MALRD1: variants seen among roughly 807,000 people sequenced by gnomAD.
MALRD1 encodes the protein MAM and LDL-receptor class A domain-containing protein 1.
Under a neutral mutation model 242.1 loss-of-function variants are expected in MALRD1, and 247 were observed. That is an observed-to-expected ratio of 1.02 (90% CI 0.92 to 1.13). The LOEUF (loss-of-function observed/expected upper bound fraction) is 1.13. MALRD1 is among the 50% of genes most tolerant of loss of function. The probability of loss-of-function intolerance (pLI) is 0.00; values close to 1 mark genes in which losing one functional copy is unlikely to be tolerated. For missense variants in MALRD1, 2,989 were observed against 2,533.1 expected, an observed-to-expected ratio of 1.18 and a Z score of -3.86; for synonymous variants, 995 against 866.6, an observed-to-expected ratio of 1.15 and a Z score of -2.60.
chr10:19,289,968 G>GGA (rs1841327295), intron 21 of MALRD1, among the ~76,000 whole-genome samples: 1 of 151,618 alleles, frequency 6.6e-6, no homozygotes, highest in African/African-American at 2.4e-5. Flanking sequence ...AAGTATAAGA[G>GGA]AAAAAAACCC....
intron 26 of MALRD1, among the ~76,000 whole-genome samples, chr10:19,385,471 G>A (rs1270588035): frequency 1.3e-5 from 2 of 151,898 alleles, no homozygotes; most frequent in African/African-American, 2.4e-5. Context: ...AGTCTTAGTA[G>A]GCTGTAGGAA....
chr10:19,500,191 T>A (rs1837907853), intron 31 of MALRD1, among the ~76,000 whole-genome samples: 1 of 152,218 alleles, frequency 6.6e-6, no homozygotes, highest in Admixed American at 6.5e-5. Context: ...CTTCTTTTTA[T>A]GTCTGGTAGA....
chr10:19,131,555 T>G (rs534673754), intron 8 of MALRD1, among the ~76,000 whole-genome samples: 1 of 152,258 alleles, frequency 6.6e-6, no homozygotes, highest in African/African-American at 2.4e-5. Context: ...ACCAATAAAT[T>G]TACATGTAAT....
Position 19,171,457 on chromosome 10 carries a change from T to TATATATACACACAC in MALRD1, c.1831-3750_1831-3749insTATATACACACACA, listed in dbSNP as rs1166665866. ...ATATATATATATATATATATATATA[T>TATATATACACACAC]ACACACATGTATATACACACACACA... On this transcript the variant is annotated intron_variant, in intron 13 of 39. Coordinates refer to ENST00000454679, the MANE Select transcript of MALRD1 (RefSeq NM_001142308.3). Among the ~76,000 whole-genome samples, 50 of 74,546 alleles carry TATATATACACACAC rather than the reference T, an allele frequency of 6.7e-4. 1 individual carries two copies. Among genetic ancestry groups the TATATATACACACAC allele is most frequent in the African/African-American group, 2.0e-3 (47 of 23,924 alleles). 48.9% of individuals were successfully genotyped at this position (74,546 alleles called of 152,430 possible). A position where few individuals can be genotyped will look rare whatever the true frequency, so the allele number is the denominator to read the frequency against.
intron 32 of MALRD1, among the ~76,000 whole-genome samples, chr10:19,542,162 A>T (rs572081954): frequency 1.3e-5 from 2 of 152,318 alleles, no homozygotes; most frequent in Admixed American, 6.5e-5. Context: ...CTTACACCTG[A>T]CTACAAACAG....
chr10:19,512,725 C>T (rs532682808), intron 31 of MALRD1, among the ~76,000 whole-genome samples: 16 of 152,216 alleles, frequency 1.1e-4, no homozygotes, highest in Admixed American at 3.9e-4. Context: ...AGAAATGCAG[C>T]GCCTAAAGAC....
At chr10:19,174,165 T>C (rs1182953496) in intron 13 of MALRD1, among the ~76,000 whole-genome samples, 6 of 152,126 alleles carry the variant, frequency 3.9e-5, no homozygotes, top group Non-Finnish European at 8.8e-5. Context: ...AAGATCTTTA[T>C]GGGCCTCTCT....
intron 5 of MALRD1, among the ~76,000 whole-genome samples, chr10:19,122,102 G>A (rs1242912015): frequency 6.6e-6 from 1 of 152,182 alleles, no homozygotes; most frequent in Non-Finnish European, 1.5e-5. Context: ...TGCCATGAGA[G>A]TATGGAGAAG....
At chr10:19,148,876 A>G (rs1833827125) in intron 11 of MALRD1, among the ~76,000 whole-genome samples, 1 of 150,110 alleles carries the variant, frequency 6.7e-6, no homozygotes, top group African/African-American at 2.5e-5. Context: ...GAGAATCAGT[A>G]GTGGTTTTAA....
chr10:19,480,840 C>A (rs188530894), intron 29 of MALRD1, among the ~76,000 whole-genome samples: 16 of 151,572 alleles, frequency 1.1e-4, no homozygotes, highest in African/African-American at 3.9e-4. Flanking sequence ...TTTTTTTTGG[C>A]GGTTGGGGGG....
intron 31 of MALRD1, among the ~76,000 whole-genome samples, chr10:19,502,962 A>G (rs1017179037): frequency 6.6e-6 from 1 of 152,152 alleles, no homozygotes; most frequent in Non-Finnish European, 1.5e-5. Context: ...TTGAACTTTT[A>G]GAGCTTGTGT....
At chr10:19,170,024 A>G (rs1326034396) in intron 13 of MALRD1, among the ~76,000 whole-genome samples, 1 of 152,236 alleles carries the variant, frequency 6.6e-6, no homozygotes, top group African/African-American at 2.4e-5. Flanking sequence ...TGTAGACAAT[A>G]TAACAGAATA....
chr10:19,481,028 A>G (rs997605614), intron 29 of MALRD1, among the ~76,000 whole-genome samples: 11 of 152,310 alleles, frequency 7.2e-5, no homozygotes, highest in Non-Finnish European at 1.6e-4. Flanking sequence ...AGCTTGGTAT[A>G]TATATATACT....
At chr10:19,463,501 A>T (rs1211829300) in intron 29 of MALRD1, among the ~76,000 whole-genome samples, 2 of 151,938 alleles carry the variant, frequency 1.3e-5, no homozygotes, top group Admixed American at 1.3e-4. Flanking sequence ...AGTTCCATCC[A>T]GGTTGCTGCA....
intron 36 of MALRD1, among the ~76,000 whole-genome samples, chr10:19,675,434 A>G (rs1842098996): frequency 6.6e-6 from 1 of 152,178 alleles, no homozygotes; most frequent in South Asian, 2.1e-4. Flanking sequence ...AACCTTTCAC[A>G]GGGATGTTCT....
At chr10:19,364,990 C>G (rs1845046985) in intron 26 of MALRD1, among the ~76,000 whole-genome samples, 1 of 152,050 alleles carries the variant, frequency 6.6e-6, no homozygotes, top group African/African-American at 2.4e-5. Flanking sequence ...CAACCTGCCA[C>G]CACATCATCT....
chr10:19,655,560 A>G (rs1222747153), intron 36 of MALRD1, among the ~76,000 whole-genome samples: 1 of 123,082 alleles, frequency 8.1e-6, no homozygotes, highest in African/African-American at 2.9e-5. Flanking sequence ...ATATATATAT[A>G]TATATATATA....
At position 19,387,677 on chromosome 10, in the gene MALRD1, C is replaced by T; in HGVS notation, c.4591C>T (p.Gln1531Ter). 1 of 1,550,274 alleles carries T rather than the reference C, an allele frequency of 6.5e-7. No homozygotes were observed. The highest frequency in any genetic ancestry group is 8.7e-7 in the Non-Finnish European group (1 of 1,146,848). The stretch of plus-strand genomic sequence containing the variant: ...TTTTGAAAAAGGCTGGTGTGGCTGG[C>T]AAAACTCCCAGGCTGACAACTTTGA... Reference protein sequence around the residue: ...CTFEKGWCGWQNSQADNFDWV... With the variant: ...CTFEKGWCGW The change falls in exon 27 of 40, where the codon CAA becomes TAA. Residue 1531 changes from glutamine (Q) to a stop codon, truncating the protein, a stop_gained. Transcript: ENST00000454679. LOFTEE classifies it high-confidence loss of function.
chr10:19,656,890 C>T (rs898798148), intron 36 of MALRD1, among the ~76,000 whole-genome samples: 12 of 152,142 alleles, frequency 7.9e-5, no homozygotes, highest in African/African-American at 2.9e-4. Flanking sequence ...TGCTTACAAG[C>T]ACTTGCAGTT....
Sources: gnomAD v4.1 joint callset for allele counts (sites outside exome capture counted in the v4.1 genomes callset) on GRCh38, gnomAD v4.1.1 for gene constraint, MANE v1.5 for transcripts, NCBI Gene and HGNC (gene_info 2026-07-23, HGNC 2026-07-21) for gene names.